The following ZNF415 variants were observed in gnomAD, a reference collection of about 807,000 sequenced individuals.
ZNF415 encodes the protein zinc finger protein 415.
Under a neutral mutation model 7.3 loss-of-function variants are expected in ZNF415, and 5 were observed. The ratio of observed to expected loss-of-function variants is 0.69; its 90% CI spans 0.36 to 1.44. The LOEUF (loss-of-function observed/expected upper bound fraction) is 1.44. Among genes scored for constraint, ZNF415 ranks in the 40% most tolerant of loss-of-function variants. The pLI is 0.04. For synonymous variants in ZNF415, 207 were observed against 226.3 expected (o/e 0.91, Z 0.77); for missense variants, 628 against 664.8 (o/e 0.94, Z 0.61).
In ZNF415 at chr19:53,108,316, C is replaced by G. The variant is rs2085678357; in HGVS notation, c.*61G>C. On this transcript the variant is annotated 3_prime_UTR_variant, in exon 4 of 4. Coordinates refer to ENST00000243643, the MANE Select transcript of ZNF415 (RefSeq NM_018355.4). Reference sequence around the variant, plus strand: ...CATTTATTATACTTGTATGGTTTCTCTCTGATATAAATTCTTTGATGACTC... The same window carrying G: ...CATTTATTATACTTGTATGGTTTCTGTCTGATATAAATTCTTTGATGACTC... 8.1e-6 allele frequency: 12 copies of G among 1,473,760 alleles called. No homozygotes were observed. Among genetic ancestry groups the G allele is most frequent in the Non-Finnish European group, 1.1e-5 (12 of 1,095,838 alleles). 91.3% of individuals were successfully genotyped at this position (1,473,760 alleles called of 1,614,324 possible). A position where few individuals can be genotyped will look rare whatever the true frequency, so the allele number is the denominator to read the frequency against.
Position 53,123,443 on chromosome 19 carries a change from G to A in ZNF415, c.-67-700C>T, listed in dbSNP as rs1348011116. 4 of 397,002 alleles carry A rather than the reference G, an allele frequency of 1.0e-5. No homozygotes were observed. The South Asian group carries it at 5.1e-4, about 51-fold the overall frequency. The allele number at this position is 397,002 out of a possible 1,614,324, so 24.6% of individuals were successfully genotyped here. A position where few individuals can be genotyped will look rare whatever the true frequency, so the allele number is the denominator to read the frequency against. ...GTGAAATGGGAAGTGGGTCACAGAA[G>A]TCCCCGCTGAGAAGGTGATATTGGA... On this transcript the variant is annotated intron_variant, in intron 1 of 3. Transcript: ENST00000243643.
At position 53,115,756 on chromosome 19, in the gene ZNF415, T is replaced by C. The variant is rs542552434; in HGVS notation, c.136+557A>G. 8.1e-5 allele frequency: 126 copies of C among 1,550,578 alleles called. 1 individual carries two copies. In the South Asian group the frequency reaches 1.4e-3, roughly 18 times the overall value. On this transcript the variant is annotated intron_variant, in intron 3 of 3. Transcript: ENST00000243643. Reference sequence around the variant, plus strand: ...ACCCTTTTGGTTTTCTTGCTACTCGTACTTGGCTTTCTATGGTCCAGGGCT... The same window carrying C: ...ACCCTTTTGGTTTTCTTGCTACTCGCACTTGGCTTTCTATGGTCCAGGGCT...
intron 3 of ZNF415, chr19:53,115,973 CT>C: frequency 1.5e-6 from 1 of 652,554 alleles, no homozygotes; most frequent in Non-Finnish European, 2.6e-6. Flanking sequence ...ACTCTGAATG[CT>C]TAGGGAAGAC....
In ZNF415 at chr19:53,109,048, ACT is replaced by A. The variant is rs751339889; in HGVS notation, c.995_996del (p.Glu332ValfsTer6). On this transcript the variant is annotated frameshift_variant, in exon 4 of 4. Transcript: ENST00000243643. LOFTEE classifies it low-confidence loss of function (END_TRUNC). The part of the protein sequence containing the change: ...HIGEKPYTCK[E>X]CGKAFSVRST... ...GACCTCACACTAAAGGCTTTGCCAC[ACT>A]CTTTACATGTGTAAGGTTTCTCTCC... 5 of 1,613,652 alleles carry A rather than the reference ACT, an allele frequency of 3.1e-6. No homozygotes were observed. The highest frequency in any genetic ancestry group is 4.2e-6 in the Non-Finnish European group (5 of 1,179,724).
At chr19:53,118,322 A>C (rs900882429) in intron 2 of ZNF415, among the ~76,000 whole-genome samples, 4 of 152,232 alleles carry the variant, frequency 2.6e-5, no homozygotes, top group Non-Finnish European at 5.9e-5. Flanking sequence ...GAATATTATT[A>C]GATTTAAAGG....
chr19:53,109,753 A>G lies in ZNF415; in HGVS notation c.292T>C (p.Cys98Arg). The change falls in exon 4 of 4, where the codon TGT (cysteine) becomes CGT (arginine). Residue 98 changes from cysteine to arginine, a missense_variant. Coordinates refer to ENST00000243643, the MANE Select transcript of ZNF415 (RefSeq NM_018355.4). ...TTTCTTTCATCATCTCTCCACTGAC[A>G]GTCAAAGTCGTGTATTTTTTTCTTG... The part of the protein sequence containing the change: ...EIKKKIHDFD[C>R]QWRDDERNCN... 1 of 1,614,048 alleles carries G rather than the reference A, an allele frequency of 6.2e-7. No homozygotes were observed. Among genetic ancestry groups the G allele is most frequent in the Non-Finnish European group, 8.5e-7 (1 of 1,179,990 alleles).
intron 1 of ZNF415, among the ~76,000 whole-genome samples, chr19:53,131,975 C>A (rs2146750469): frequency 6.6e-6 from 1 of 152,140 alleles, no homozygotes; most frequent in South Asian, 2.1e-4. Context: ...CTCCAAATCC[C>A]TTCTGCTCTC....
At chr19:53,122,860 C>G in intron 1 of ZNF415, 117 bp from the exon 2 acceptor site, 1 of 706,494 alleles carries the variant, frequency 1.4e-6, no homozygotes, top group Admixed American at 2.6e-5. Flanking sequence ...TCCTCTGCCG[C>G]CCACTACACC....
At chr19:53,120,502 G>GACC (rs2087821168) in intron 2 of ZNF415, among the ~76,000 whole-genome samples, 1 of 152,118 alleles carries the variant, frequency 6.6e-6, no homozygotes, top group Admixed American at 6.5e-5. Context: ...ACCTGTGTGA[G>GACC]GGTGTAAGGC....
chr19:53,119,722 G>A (rs879162913), intron 2 of ZNF415, among the ~76,000 whole-genome samples: 2 of 151,670 alleles, frequency 1.3e-5, no homozygotes, highest in Admixed American at 6.6e-5. Context: ...AAATGGATAC[G>A]TTACAACTGA....
At chr19:53,110,988 A>G (rs1232820277) in intron 3 of ZNF415, among the ~76,000 whole-genome samples, 2 of 152,220 alleles carry the variant, frequency 1.3e-5, no homozygotes, top group Admixed American at 6.5e-5. Context: ...AGAGAACACA[A>G]TGTTTAAAAC....
chr19:53,108,584 C>CTGA lies in ZNF415; in HGVS notation c.1458_1460dup (p.His486dup). 1 of 1,614,098 alleles carries CTGA rather than the reference C, an allele frequency of 6.2e-7. No individual in the cohort carries two copies. Among genetic ancestry groups the CTGA allele is most frequent in the Non-Finnish European group, 8.5e-7 (1 of 1,179,998 alleles). Reference sequence around the variant, plus strand: ...AAGGTTTTTCTCCAGTATGGATGACCTGATGGGTAGTTAGGCTTGAATGCA... The same window carrying CTGA: ...AAGGTTTTTCTCCAGTATGGATGACCTGATGATGGGTAGTTAGGCTTGAATGCA... On this transcript the variant is annotated inframe_insertion, in exon 4 of 4. Coordinates refer to ENST00000243643, the MANE Select transcript of ZNF415 (RefSeq NM_018355.4).
chr19:53,108,766 G>C lies in ZNF415; in HGVS notation c.1279C>G (p.Leu427Val), dbSNP rs2085759539. Residue 427 changes from leucine to valine, a missense_variant, in exon 4 of 4, where the codon CTT becomes GTT. By Grantham distance (32) the Leu-to-Val change is conservative. Transcript: ENST00000243643. ...CGKVFSYNSH[L>V]ASHRRVHTGE... ...GTATGAACTCTCCGATGACTCGCAA[G>C]GTGTGAATTGTAACTGAAAACCTTA... 2.5e-6 allele frequency: 4 copies of C among 1,613,276 alleles called. No homozygotes were observed. The African/African-American group carries it at 5.3e-5, about 22-fold the overall frequency.
chr19:53,125,397 T>C (rs2088885196), intron 1 of ZNF415, among the ~76,000 whole-genome samples: 1 of 151,586 alleles, frequency 6.6e-6, no homozygotes, highest in African/African-American at 2.4e-5. Context: ...TGCAGTGATG[T>C]GATGCTGGCT....
chr19:53,110,237 G>C (rs1379050586), intron 3 of ZNF415, among the ~76,000 whole-genome samples: 1 of 152,036 alleles, frequency 6.6e-6, no homozygotes, highest in Non-Finnish European at 1.5e-5. Context: ...AAAATACATG[G>C]CTGTCTCATT....
chr19:53,127,784 C>T (rs375696911), intron 1 of ZNF415, among the ~76,000 whole-genome samples: 265 of 150,534 alleles, frequency 1.8e-3, no homozygotes, highest in African/African-American at 5.7e-3. Context: ...GGCTGAGGCA[C>T]GCGAATCGCT....
intron 1 of ZNF415, among the ~76,000 whole-genome samples, chr19:53,125,712 A>C (rs1189636222): frequency 6.6e-6 from 1 of 151,876 alleles, no homozygotes; most frequent in African/African-American, 2.4e-5. Flanking sequence ...TGGGAGCCCA[A>C]GCAGATCACG....
intron 2 of ZNF415, among the ~76,000 whole-genome samples, chr19:53,122,031 G>A (rs1262587049): frequency 6.6e-6 from 1 of 151,824 alleles, no homozygotes; most frequent in Non-Finnish European, 1.5e-5. Context: ...TGGATCACCT[G>A]AGGTCTGGAG....
chr19:53,108,945 T>C lies in ZNF415; in HGVS notation c.1100A>G (p.Gln367Arg). The change falls in exon 4 of 4, where the codon CAG (glutamine) becomes CGG (arginine). Residue 367 changes from glutamine to arginine, a missense_variant. Coordinates refer to ENST00000243643, the MANE Select transcript of ZNF415 (RefSeq NM_018355.4). ...CTGATGAGTTGCAAGGCTTGAAGTC[T>C]GACTGAACACCTTGCCACATTCATT... Reference protein sequence around the residue: ...KCNECGKVFSQTSSLATHQRI... With the variant: ...KCNECGKVFSRTSSLATHQRI... 6.2e-7 allele frequency: 1 copy of C among 1,614,174 alleles called. No individual in the cohort carries two copies. The highest frequency in any genetic ancestry group is 1.7e-5 in the Admixed American group (1 of 60,014).
Sources: allele counts gnomAD v4.1 joint callset (sites outside exome capture counted in the v4.1 genomes callset), GRCh38; gene constraint gnomAD v4.1.1; transcripts MANE v1.5; gene names NCBI Gene and HGNC (gene_info 2026-07-23, HGNC 2026-07-21).